Variants in CCDC171 observed in about 807,000 individuals in gnomAD.
CCDC171 encodes coiled-coil domain containing 171, also known as coiled-coil domain-containing protein 171.
Under a neutral mutation model 168.2 loss-of-function variants are expected in CCDC171, and 177 were observed. The observed-to-expected ratio is 1.05, with a 90% CI of 0.93 to 1.19. The LOEUF is 1.19. Among genes scored for constraint, CCDC171 ranks in the 50% most tolerant of loss-of-function variants. CCDC171 has a pLI of 0.00. For missense variants in CCDC171, 1,991 were observed against 1,539.0 expected, an observed-to-expected ratio of 1.29 and a Z score of -4.91; for synonymous variants, 687 against 540.8, an observed-to-expected ratio of 1.27 and a Z score of -3.75.
the CCDC171 span, among the ~76,000 whole-genome samples, chr9:16,071,697 G>C: frequency 6.6e-6 from 1 of 152,204 alleles, no homozygotes; most frequent in Non-Finnish European, 1.5e-5. Context: ...CAAAGTTAGA[G>C]TTGTCTTTTA....
intron 21 of CCDC171, among the ~76,000 whole-genome samples, chr9:15,806,384 T>C (rs544719024): frequency 6.6e-6 from 1 of 152,190 alleles, no homozygotes; most frequent in African/African-American, 2.4e-5. Context: ...GTTTTTCTTT[T>C]CCATATTTAG....
At chr9:15,619,060 A>G (rs999737259) in intron 6 of CCDC171, among the ~76,000 whole-genome samples, 1 of 151,946 alleles carries the variant, frequency 6.6e-6, no homozygotes, top group African/African-American at 2.4e-5. Context: ...TACTTAATTT[A>G]TAAATATATG....
At chr9:15,807,528 A>G (rs1158196024) in intron 21 of CCDC171, among the ~76,000 whole-genome samples, 2 of 152,162 alleles carry the variant, frequency 1.3e-5, no homozygotes, top group African/African-American at 4.8e-5. Flanking sequence ...TCTCTAGCGA[A>G]TGACACATAT....
At chr9:15,623,623 C>A (rs890759892) in intron 7 of CCDC171, among the ~76,000 whole-genome samples, 1 of 151,808 alleles carries the variant, frequency 6.6e-6, no homozygotes, top group African/African-American at 2.4e-5. Flanking sequence ...ATTTTTGTAT[C>A]TGAGTATTTT....
At chr9:15,847,230 T>A (rs1488764602) in intron 22 of CCDC171, among the ~76,000 whole-genome samples, 1 of 152,026 alleles carries the variant, frequency 6.6e-6, no homozygotes, top group Non-Finnish European at 1.5e-5. Flanking sequence ...TCTGCATATA[T>A]TATTATATAC....
intron 6 of CCDC171, among the ~76,000 whole-genome samples, chr9:15,610,026 T>C (rs1051510538): frequency 3.3e-5 from 5 of 152,136 alleles, no homozygotes; most frequent in African/African-American, 9.7e-5. Context: ...TATTGCAGCC[T>C]TTCTATTACA....
intron 24 of CCDC171, among the ~76,000 whole-genome samples, chr9:15,916,361 A>G (rs1211242428): frequency 1.3e-5 from 2 of 151,900 alleles, no homozygotes; most frequent in African/African-American, 2.4e-5. Flanking sequence ...AGAATGTATT[A>G]CATTTCACAT....
At chr9:15,749,694 A>C (rs1052454882) in intron 18 of CCDC171, among the ~76,000 whole-genome samples, 8 of 152,226 alleles carry the variant, frequency 5.3e-5, no homozygotes, top group Non-Finnish European at 1.0e-4. Flanking sequence ...AACTACATGG[A>C]AACTGAACAA....
chr9:15,938,827 T>G (rs1398556193), intron 25 of CCDC171, among the ~76,000 whole-genome samples: 1 of 151,920 alleles, frequency 6.6e-6, no homozygotes, highest in Non-Finnish European at 1.5e-5. Flanking sequence ...CAGGACTTTA[T>G]TTTTCTAGTC....
At chr9:15,920,587 A>G (rs917428192) in intron 25 of CCDC171, among the ~76,000 whole-genome samples, 165 bp downstream of exon 25, 2 of 151,766 alleles carry the variant, frequency 1.3e-5, no homozygotes, top group African/African-American at 4.8e-5. Flanking sequence ...TTGAAAGAAG[A>G]AAAGCAATTA....
chr9:15,657,034 A>AT (rs1233587412), intron 7 of CCDC171, 93 bp from the exon 8 acceptor site: 1 of 588,672 alleles, frequency 1.7e-6, no homozygotes, highest in Non-Finnish European at 2.8e-6. Context: ...AAGTCCACTA[A>AT]TCTAAAGTGT....
intron 6 of CCDC171, among the ~76,000 whole-genome samples, chr9:15,597,355 AG>A (rs1252527257): frequency 6.6e-6 from 1 of 152,156 alleles, no homozygotes; most frequent in Non-Finnish European, 1.5e-5. Flanking sequence ...TTTAGCATGA[AG>A]GGTTGCTGAA....
intron 7 of CCDC171, among the ~76,000 whole-genome samples, chr9:15,649,935 A>C (rs1344480155): frequency 6.6e-6 from 1 of 152,180 alleles, no homozygotes; most frequent in Non-Finnish European, 1.5e-5. Flanking sequence ...TGCTGCTATA[A>C]AGACACAGGC....
intron 16 of CCDC171, 98 bp from the exon 17 acceptor site, chr9:15,744,175 G>T: frequency 1.1e-6 from 1 of 926,152 alleles, no homozygotes; most frequent in Non-Finnish European, 1.6e-6. Flanking sequence ...AGAGGAAGAA[G>T]TGGTTGTCAG....
chr9:15,658,441 G>C (rs1232589474), intron 8 of CCDC171, among the ~76,000 whole-genome samples: 5 of 152,206 alleles, frequency 3.3e-5, no homozygotes, highest in African/African-American at 7.2e-5. Context: ...CAATGGAAAA[G>C]AGGGCTCCTG....
At chr9:16,085,076 T>G in the CCDC171 span, among the ~76,000 whole-genome samples, 2 of 152,346 alleles carry the variant, frequency 1.3e-5, no homozygotes, top group South Asian at 4.1e-4. Flanking sequence ...CCACCTTGCT[T>G]GGATCCTGGG....
chr9:15,655,821 T>G (rs925748089), intron 7 of CCDC171, among the ~76,000 whole-genome samples: 2 of 152,154 alleles, frequency 1.3e-5, no homozygotes, highest in Non-Finnish European at 2.9e-5. Context: ...TCAGTGTCAT[T>G]AGTCATTGGG....
chr9:15,692,645 A>T lies in CCDC171; in HGVS notation c.1216-2590A>T, dbSNP rs191253170. Among the ~76,000 whole-genome samples, 664 of 150,546 alleles carry T rather than the reference A, an allele frequency of 4.4e-3. 7 individuals carry two copies. Among genetic ancestry groups the T allele is most frequent in the African/African-American group, 0.015 (628 of 41,128 alleles). On this transcript the variant is annotated intron_variant, in intron 10 of 25. Coordinates refer to ENST00000380701, the MANE Select transcript of CCDC171 (RefSeq NM_173550.4). ...TGGGTTCACGCCATTCTCCTGCCTC[A>T]GCCTCCCAAGTAGCTGGGACTACAG...
chr9:15,740,377 A>G (rs1178899802), intron 16 of CCDC171, among the ~76,000 whole-genome samples: 1 of 121,602 alleles, frequency 8.2e-6, no homozygotes, highest in Non-Finnish European at 1.8e-5. Flanking sequence ...GTTCTGTTCC[A>G]TTGGTCTTTT....
Sources: gnomAD v4.1 joint callset for allele counts (sites outside exome capture counted in the v4.1 genomes callset) on GRCh38, gnomAD v4.1.1 for gene constraint, MANE v1.5 for transcripts, NCBI Gene and HGNC (gene_info 2026-07-23, HGNC 2026-07-21) for gene names.